UGCG: variants seen among roughly 807,000 people sequenced by gnomAD.
The protein encoded by UGCG is ceramide glucosyltransferase.
UGCG carries 10 observed loss-of-function variants against 49.5 expected under a neutral mutation model. That is an observed-to-expected ratio of 0.20 (90% confidence interval 0.12 to 0.34). The LOEUF is 0.34. Among genes scored for constraint, UGCG ranks in the 10% least tolerant of loss-of-function variants. UGCG has a pLI of 1.00. For synonymous variants in UGCG, 182 were observed against 158.2 expected (o/e 1.15, Z -1.13); for missense variants, 312 against 483.7 (o/e 0.65, Z 3.33).
intron 5 of UGCG, among the ~76,000 whole-genome samples, chr9:111,927,954 C>T (rs1159099729): frequency 6.6e-6 from 1 of 152,030 alleles, no homozygotes; most frequent in African/African-American, 2.4e-5. Flanking sequence ...TTGGCTGTAT[C>T]ATAGGCCATC....
chr9:111,910,092 A>G (rs150163884), intron 1 of UGCG, among the ~76,000 whole-genome samples: 3 of 152,338 alleles, frequency 2.0e-5, no homozygotes, highest in Admixed American at 1.3e-4. Context: ...CTCAACATGA[A>G]AAGTTCTTCA....
intron 1 of UGCG, among the ~76,000 whole-genome samples, chr9:111,910,742 TTTTTTG>T (rs74412718): frequency 0.018 from 2,790 of 152,256 alleles, 36 homozygotes; most frequent in Non-Finnish European, 0.029. Flanking sequence ...GACTTTTTTC[TTTTTTG>T]TTTTTGTTTT....
chr9:111,934,738 T>A lies in UGCG; in HGVS notation c.*1741T>A, dbSNP rs370292956. The A allele has an allele frequency of 1.4e-5, 2 of 139,048 alleles. No homozygotes were observed. Among genetic ancestry groups the A allele is most frequent in the East Asian group, 4.3e-4 (2 of 4,638 alleles). The allele number at this position is 139,048 out of a possible 1,614,324, so 8.6% of individuals were successfully genotyped here. ...TTTTTTCTTTCTTTTTTTTTTTTTT[T>A]AGCCTTATGATGAATTTGTTTGAAG... On this transcript the variant is annotated 3_prime_UTR_variant, in exon 9 of 9. Coordinates refer to ENST00000374279, the MANE Select transcript of UGCG (RefSeq NM_003358.3).
chr9:111,927,607 A>G (rs996194369), intron 5 of UGCG, among the ~76,000 whole-genome samples: 4 of 152,062 alleles, frequency 2.6e-5, no homozygotes, highest in Admixed American at 6.5e-5. Context: ...GCCCGCCACC[A>G]TGCCTGGCTA....
chr9:111,908,568 G>A (rs1837935600), intron 1 of UGCG, among the ~76,000 whole-genome samples: 1 of 152,188 alleles, frequency 6.6e-6, no homozygotes, highest in Non-Finnish European at 1.5e-5. Flanking sequence ...TGTACATTAT[G>A]TATCAATAAA....
intron 1 of UGCG, 138 bp downstream of exon 1, chr9:111,897,451 C>G (rs985411890): frequency 1.2e-5 from 8 of 669,996 alleles, no homozygotes; most frequent in Non-Finnish European, 2.0e-5. Flanking sequence ...CTGTTCCCCC[C>G]GTTCCCTCGC....
intron 1 of UGCG, among the ~76,000 whole-genome samples, chr9:111,905,697 A>G (rs995333728): frequency 6.6e-6 from 1 of 150,726 alleles, no homozygotes; most frequent in Non-Finnish European, 1.5e-5. Context: ...CAGGTGATCC[A>G]CCCGCCTCAG....
intron 2 of UGCG, among the ~76,000 whole-genome samples, chr9:111,922,361 A>C (rs1387075169): frequency 6.6e-6 from 1 of 152,190 alleles, no homozygotes; most frequent in Non-Finnish European, 1.5e-5. Flanking sequence ...GGGCCCTTTA[A>C]ATTTATTATA....
chr9:111,902,598 C>G (rs1022644404), intron 1 of UGCG, among the ~76,000 whole-genome samples: 1 of 152,096 alleles, frequency 6.6e-6, no homozygotes, highest in Non-Finnish European at 1.5e-5. Context: ...TAATTTTACA[C>G]GAAATACTAA....
intron 5 of UGCG, among the ~76,000 whole-genome samples, chr9:111,928,300 A>G (rs930693463): frequency 2.0e-5 from 3 of 152,260 alleles, no homozygotes; most frequent in African/African-American, 7.2e-5. Context: ...GAAACTGAGT[A>G]GCCACTTTAA....
chr9:111,925,129 TG>T lies in UGCG; in HGVS notation c.445+252del, dbSNP rs901425569. Among the ~76,000 whole-genome samples the T allele has an allele frequency of 3.2e-4, 48 of 152,294 alleles. 2 individuals are homozygous for T. Among genetic ancestry groups the T allele is most frequent in the Admixed American group, 2.9e-3 (45 of 15,282 alleles). On this transcript the variant is annotated intron_variant, in intron 4 of 8. Transcript: ENST00000374279. The stretch of plus-strand genomic sequence containing the variant: ...TTTCAACCATTAAATTAAAAATGGT[TG>T]TGGTTCATTATATAATCTGCAAGCT...
In UGCG at chr9:111,921,802, A is replaced by ATTTTTTTTTTTTTTTTTTTT. The variant is rs71373800; in HGVS notation, c.241-1040_241-1021dup. Among the ~76,000 whole-genome samples the ATTTTTTTTTTTTTTTTTTTT allele has an allele frequency of 4.4e-3, 244 of 55,526 alleles. 67 individuals carry two copies. The highest frequency in any genetic ancestry group is 8.9e-3 in the East Asian group (11 of 1,242). 36.4% of individuals were successfully genotyped at this position (55,526 alleles called of 152,430 possible). A position where few individuals can be genotyped will look rare whatever the true frequency, so the allele number is the denominator to read the frequency against. ...TTTTTAAAATAAATGCCCCAGGGTG[A>ATTTTTTTTTTTTTTTTTTTT]TTTTTTTTTTTTTTTTTTTTTTTTT... On this transcript the variant is annotated intron_variant, in intron 2 of 8. Coordinates refer to ENST00000374279, the MANE Select transcript of UGCG (RefSeq NM_003358.3).
intron 2 of UGCG, among the ~76,000 whole-genome samples, chr9:111,916,712 C>G (rs867539658): frequency 6.6e-6 from 1 of 151,850 alleles, no homozygotes; most frequent in African/African-American, 2.4e-5. Context: ...GCAATCCCCC[C>G]ACCTCAGCCT....
At chr9:111,914,910 A>G in intron 2 of UGCG, 164 bp downstream of exon 2, 1 of 1,022,768 alleles carries the variant, frequency 9.8e-7, no homozygotes, top group East Asian at 2.7e-5. Context: ...ACAGAACAGA[A>G]ATAGGTTGAG....
At chr9:111,905,644 G>T (rs1316886372) in intron 1 of UGCG, among the ~76,000 whole-genome samples, 2 of 151,816 alleles carry the variant, frequency 1.3e-5, no homozygotes, top group Non-Finnish European at 2.9e-5. Flanking sequence ...AGTAGAGACG[G>T]GGTTTCACCA....
chr9:111,906,616 G>A (rs965685756), intron 1 of UGCG, among the ~76,000 whole-genome samples: 1 of 152,106 alleles, frequency 6.6e-6, no homozygotes, highest in Non-Finnish European at 1.5e-5. Flanking sequence ...TTTTAGTAGA[G>A]ACGGGGTTTC....
intron 6 of UGCG, 140 bp from the exon 7 acceptor site, chr9:111,931,131 T>A: frequency 1.4e-6 from 1 of 725,096 alleles, no homozygotes; most frequent in South Asian, 1.9e-5. Flanking sequence ...AGACCTTAAG[T>A]CATGTGCTAA....
intron 1 of UGCG, among the ~76,000 whole-genome samples, chr9:111,907,822 T>G (rs543461267): frequency 3.7e-4 from 56 of 152,184 alleles, no homozygotes; most frequent in Admixed American, 9.8e-4. Context: ...AGAGATAGGG[T>G]TTCACCATGT....
intron 2 of UGCG, among the ~76,000 whole-genome samples, chr9:111,916,871 G>A (rs886907554): frequency 2.0e-5 from 3 of 151,962 alleles, no homozygotes; most frequent in East Asian, 3.9e-4. Context: ...TTGGCCAGGC[G>A]TGGTGGCTTG....
Sources: allele counts gnomAD v4.1 joint callset (sites outside exome capture counted in the v4.1 genomes callset), GRCh38; gene constraint gnomAD v4.1.1; transcripts MANE v1.5; gene names NCBI Gene and HGNC (gene_info 2026-07-23, HGNC 2026-07-21).